Variants in SEMA5A observed in about 807,000 individuals in gnomAD.
SEMA5A encodes the protein semaphorin-5A.
SEMA5A carries 55 observed loss-of-function variants against 135.5 expected under a neutral mutation model. The observed-to-expected ratio is 0.41, with a 90% CI of 0.33 to 0.51. The LOEUF is 0.51. SEMA5A is among the 20% of genes least tolerant of loss of function. The pLI, the probability that SEMA5A is intolerant of heterozygous loss-of-function variation, is 0.37. For missense variants in SEMA5A, 1,290 were observed against 1,419.9 expected (o/e 0.91, Z 1.47); for synonymous variants, 580 against 546.5 (o/e 1.06, Z -0.85).
Position 9,514,183 on chromosome 5 carries a change from C to T in SEMA5A, c.-175+31401G>A, listed in dbSNP as rs74631701. Among the ~76,000 whole-genome samples, 214 of 152,296 alleles carry T rather than the reference C, an allele frequency of 1.4e-3. 8 individuals are homozygous for T. The East Asian group carries it at 0.037, about 26-fold the overall frequency. ...TCTCTCTGCTCCATCTTCACATCGC[C>T]TTTTCCTCTCTATCTGCAGCAAATC... is the stretch of plus-strand genomic sequence containing the variant. On this transcript the variant is annotated intron_variant, in intron 1 of 22. Coordinates refer to ENST00000382496, the MANE Select transcript of SEMA5A (RefSeq NM_003966.3).
At position 9,209,725 on chromosome 5, in the gene SEMA5A, C is replaced by T. The variant is rs71611367; in HGVS notation, c.647-7485G>A. On this transcript the variant is annotated intron_variant, in intron 8 of 22. Coordinates refer to ENST00000382496, the MANE Select transcript of SEMA5A (RefSeq NM_003966.3). The stretch of plus-strand genomic sequence containing the variant: ...AAAAGAAGACCAAGACACAGGGAGC[C>T]GACTTCCCAATATGTGGCAGTGAGT... Among the ~76,000 whole-genome samples the T allele has an allele frequency of 3.6e-3, 555 of 152,234 alleles. 4 individuals are homozygous for T. Among genetic ancestry groups the T allele is most frequent in the Middle Eastern group, 3.4e-3 (1 of 294 alleles).
At chr5:9,303,806 T>C (rs2150620324) in intron 5 of SEMA5A, among the ~76,000 whole-genome samples, 1 of 152,272 alleles carries the variant, frequency 6.6e-6, no homozygotes, top group Admixed American at 6.5e-5. Context: ...AAGACAATCC[T>C]TGAAAACTAT....
intron 13 of SEMA5A, among the ~76,000 whole-genome samples, chr5:9,131,039 T>C (rs1159337507): frequency 6.6e-6 from 1 of 152,214 alleles, no homozygotes; most frequent in East Asian, 1.9e-4. Flanking sequence ...AATCCTGTTA[T>C]TAGGAGACCC....
In SEMA5A at chr5:9,487,095, C is replaced by T. The variant is rs902420181; in HGVS notation, c.-174-49243G>A. Reference sequence around the variant, plus strand: ...AAGTTATGGGAAGAAAAGTAACATACACTATAAAGTAAGAAAGATACACTG... The same window carrying T: ...AAGTTATGGGAAGAAAAGTAACATATACTATAAAGTAAGAAAGATACACTG... On this transcript the variant is annotated intron_variant, in intron 1 of 22. Coordinates refer to ENST00000382496, the MANE Select transcript of SEMA5A (RefSeq NM_003966.3). Among the ~76,000 whole-genome samples the T allele has an allele frequency of 2.6e-5, 4 of 151,672 alleles. No individual in the cohort carries two copies. In the South Asian group the frequency reaches 6.2e-4, roughly 24 times the overall value.
intron 16 of SEMA5A, among the ~76,000 whole-genome samples, chr5:9,089,323 T>C (rs1017606280): frequency 1.3e-5 from 2 of 152,162 alleles, no homozygotes; most frequent in African/African-American, 4.8e-5. Flanking sequence ...TCTTTAAAAA[T>C]ACTGAATAAC....
chr5:9,380,101 A>G, intron 2 of SEMA5A, 78 bp from the exon 3 acceptor site: 5 of 921,364 alleles, frequency 5.4e-6, no homozygotes, highest in Admixed American at 5.8e-5. Context: ...AAACTTCCTC[A>G]CTAACTTTAA....
intron 15 of SEMA5A, among the ~76,000 whole-genome samples, chr5:9,111,539 G>A (rs1740239391): frequency 6.6e-6 from 1 of 152,120 alleles, no homozygotes; most frequent in African/African-American, 2.4e-5. Flanking sequence ...TTAATAAATT[G>A]TCTACTGAGC....
intron 11 of SEMA5A, among the ~76,000 whole-genome samples, chr5:9,162,576 A>ATG (rs1743347665): frequency 9.0e-6 from 1 of 110,612 alleles, no homozygotes; most frequent in African/African-American, 4.5e-5. Flanking sequence ...ATATATATAT[A>ATG]TATATATATA....
intron 2 of SEMA5A, among the ~76,000 whole-genome samples, chr5:9,392,277 G>A (rs1223114447): frequency 2.0e-5 from 3 of 152,018 alleles, no homozygotes; most frequent in Non-Finnish European, 4.4e-5. Context: ...TTTTGAGTTT[G>A]GGAATTTTTT....
intron 13 of SEMA5A, among the ~76,000 whole-genome samples, chr5:9,126,516 C>G (rs1741119892): frequency 6.7e-6 from 1 of 150,162 alleles, no homozygotes; most frequent in South Asian, 2.1e-4. Flanking sequence ...TTGCCCTCCA[C>G]TCAGAAAGCC....
chr5:9,362,120 G>C (rs1754725019), intron 3 of SEMA5A, among the ~76,000 whole-genome samples: 1 of 152,074 alleles, frequency 6.6e-6, no homozygotes, highest in African/African-American at 2.4e-5. Flanking sequence ...CGGTTCTTTT[G>C]CGTTTTCCTT....
At chr5:9,388,225 T>C (rs975328071) in intron 2 of SEMA5A, among the ~76,000 whole-genome samples, 1 of 152,226 alleles carries the variant, frequency 6.6e-6, no homozygotes, top group African/African-American at 2.4e-5. Flanking sequence ...TCAATAATGG[T>C]TCGGCTCCAG....
intron 5 of SEMA5A, among the ~76,000 whole-genome samples, chr5:9,278,679 T>A (rs555486308): frequency 6.6e-6 from 1 of 152,114 alleles, no homozygotes; most frequent in Non-Finnish European, 1.5e-5. Flanking sequence ...CAGAACACAG[T>A]GCCCTGTATC....
chr5:9,278,503 G>T (rs1750380208), intron 5 of SEMA5A, among the ~76,000 whole-genome samples: 2 of 152,208 alleles, frequency 1.3e-5, no homozygotes, highest in African/African-American at 4.8e-5. Flanking sequence ...GCAGAAATGT[G>T]CATAAGTAAA....
At chr5:9,062,019 G>C (rs889438015) in intron 18 of SEMA5A, among the ~76,000 whole-genome samples, 1 of 152,284 alleles carries the variant, frequency 6.6e-6, no homozygotes, top group East Asian at 1.9e-4. Flanking sequence ...AGAAGGAGCT[G>C]ATGGTCACTC....
intron 1 of SEMA5A, among the ~76,000 whole-genome samples, chr5:9,492,365 A>C (rs1735064023): frequency 6.6e-6 from 1 of 152,214 alleles, no homozygotes; most frequent in Non-Finnish European, 1.5e-5. Flanking sequence ...ACAAATGGGA[A>C]AGCTAATGCA....
chr5:9,352,096 G>GGGGC (rs1554023417), intron 3 of SEMA5A, among the ~76,000 whole-genome samples: 3 of 148,140 alleles, frequency 2.0e-5, no homozygotes, highest in Admixed American at 6.7e-5. Context: ...TAACAGGTCG[G>GGGGC]GGGGGTTACT....
rs1751450595 is a variant in SEMA5A at position 9,298,521 on chromosome 5, G to A, written c.270+19851C>T. ...ACTAATACACATGCGTAGAACAGAA[G>A]TATCACAACCCAGTCCTTTTTTTAT... On this transcript the variant is annotated intron_variant, in intron 5 of 22. Coordinates refer to ENST00000382496, the MANE Select transcript of SEMA5A (RefSeq NM_003966.3). Among the ~76,000 whole-genome samples, 3 of 152,302 alleles carry A rather than the reference G, an allele frequency of 2.0e-5. No homozygotes were observed. In the South Asian group the frequency reaches 6.2e-4, roughly 32 times the overall value.
chr5:9,500,720 A>C (rs7711435), intron 1 of SEMA5A, among the ~76,000 whole-genome samples: 1 of 152,158 alleles, frequency 6.6e-6, no homozygotes, highest in Non-Finnish European at 1.5e-5. Flanking sequence ...ATACTGAAAA[A>C]TTTGCTAATT....
Sources: gnomAD v4.1 joint callset for allele counts (sites outside exome capture counted in the v4.1 genomes callset) on GRCh38, gnomAD v4.1.1 for gene constraint, MANE v1.5 for transcripts, NCBI Gene and HGNC (gene_info 2026-07-23, HGNC 2026-07-21) for gene names.